RUBCN: variants seen among roughly 807,000 people sequenced by gnomAD.
The protein encoded by RUBCN is run domain Beclin-1-interacting and cysteine-rich domain-containing protein.
Under a neutral mutation model 113.2 loss-of-function variants are expected in RUBCN, and 74 were observed. The observed-to-expected ratio is 0.65, with a 90% CI of 0.54 to 0.79. The LOEUF is 0.79. Among genes scored for constraint, RUBCN ranks in the 30% least tolerant of loss-of-function variants. RUBCN has a pLI of 0.00. For synonymous variants in RUBCN, 480 were observed against 490.0 expected, an observed-to-expected ratio of 0.98 and a Z score of 0.27; for missense variants, 1,109 against 1,251.7, an observed-to-expected ratio of 0.89 and a Z score of 1.72.
rs772888751 is a variant in RUBCN at position 197,675,110 on chromosome 3, C to T, written c.2827G>A (p.Ala943Thr). The T allele has an allele frequency of 4.4e-5, 71 of 1,613,454 alleles. No homozygotes were observed. Among genetic ancestry groups the T allele is most frequent in the Non-Finnish European group, 5.9e-5 (70 of 1,179,988 alleles). Residue 943 changes from alanine (A) to threonine (T), a missense_variant, in exon 20 of 20, where the codon GCC (alanine) becomes ACC (threonine). Physicochemically the swap from Ala to Thr is moderately conservative, Grantham distance 58 (BLOSUM62 0). Transcript: ENST00000296343. This position sits in a 1 kb window ranked among gnomAD's most constrained non-coding sequence, Gnocchi z 4.4. ...ERLQARREAL[A>T]RQSLESYLSD... ...AGGTAAGACTCCAGGCTCTGCCTGG[C>T]CAGTGCCTCCCGCCGGGCCTGCAGC...
upstream of RUBCN, among the ~76,000 whole-genome samples, chr3:197,739,713 G>A (rs1376469303): frequency 6.6e-6 from 1 of 151,636 alleles, no homozygotes; most frequent in African/African-American, 2.4e-5. Context: ...GGGAGACTCC[G>A]TTTCAAAAAA....
chr3:197,717,745 C>T (rs1288716754), intron 2 of RUBCN, among the ~76,000 whole-genome samples: 1 of 152,114 alleles, frequency 6.6e-6, no homozygotes, highest in Non-Finnish European at 1.5e-5. Flanking sequence ...TTTAAGTTGA[C>T]CTAATCTTTT....
rs1214287159 is a variant in RUBCN, at chr3:197,669,608, T to G, written c.*5410A>C. ...CGTTGATTACTTGGTTAAGGTCGTG[T>G]TAGCTCTCTCTACTCTAAAGTTGCT... On this transcript the variant is annotated 3_prime_UTR_variant, in exon 20 of 20. Coordinates refer to ENST00000296343, the MANE Select transcript of RUBCN (RefSeq NM_014687.4). 6.6e-6 allele frequency among the ~76,000 whole-genome samples: 1 copy of G among 152,210 alleles called. No homozygotes were observed. The highest frequency in any genetic ancestry group is 2.4e-5 in the African/African-American group (1 of 41,452).
rs900961595 is a variant in RUBCN at position 197,669,436 on chromosome 3, G to C, written c.*5582C>G. ...TCAAGTGTTTTGTAGAAAGTTCCTC[G>C]AATTTTGCTCCTGTGTTTATGTTGT... On this transcript the variant is annotated 3_prime_UTR_variant, in exon 20 of 20. Coordinates refer to ENST00000296343, the MANE Select transcript of RUBCN (RefSeq NM_014687.4). Among the ~76,000 whole-genome samples, 2 of 152,114 alleles carry C rather than the reference G, an allele frequency of 1.3e-5. No individual in the cohort carries two copies. Among genetic ancestry groups the C allele is most frequent in the Non-Finnish European group, 2.9e-5 (2 of 68,020 alleles).
intron 11 of RUBCN, among the ~76,000 whole-genome samples, chr3:197,693,453 C>A (rs1185431339): frequency 1.3e-5 from 2 of 152,098 alleles, no homozygotes; most frequent in Non-Finnish European, 2.9e-5. Context: ...GAGTGGGAAC[C>A]CAGGAGAAAG....
chr3:197,687,291 A>G (rs1721955346), intron 11 of RUBCN, among the ~76,000 whole-genome samples: 1 of 152,268 alleles, frequency 6.6e-6, no homozygotes, highest in Non-Finnish European at 1.5e-5. Flanking sequence ...TAATTAAAAA[A>G]GGGATGGGGG....
chr3:197,701,591 A>G lies in RUBCN; in HGVS notation c.727+117T>C, dbSNP rs115669384. ...TATATAACTTGTAAAGATGTCCCTT[A>G]TTAAGAAAAACTACCAACCCAAGTC... On this transcript the variant is annotated intron_variant, in intron 6 of 19. Transcript: ENST00000296343. The G allele has an allele frequency of 3.4e-3, 2,922 of 869,814 alleles. 60 individuals carry two copies. The African/African-American group carries it at 0.044, about 13-fold the overall frequency. The allele number at this position is 869,814 out of a possible 1,614,324, so 53.9% of individuals were successfully genotyped here.
At chr3:197,696,563 G>A (rs1723023984) in intron 8 of RUBCN, among the ~76,000 whole-genome samples, 1 of 152,080 alleles carries the variant, frequency 6.6e-6, no homozygotes, top group African/African-American at 2.4e-5. Flanking sequence ...TTTGGGCTGG[G>A]AGGCAGAAAA....
At chr3:197,715,613 C>T (rs1725438891) in intron 2 of RUBCN, among the ~76,000 whole-genome samples, 1 of 152,122 alleles carries the variant, frequency 6.6e-6, no homozygotes, top group Non-Finnish European at 1.5e-5. Context: ...CCTCATTTCA[C>T]TGGTGAGGAA....
At chr3:197,679,030 C>G (rs1221015888) in intron 16 of RUBCN, among the ~76,000 whole-genome samples, 3 of 149,988 alleles carry the variant, frequency 2.0e-5, no homozygotes, top group Non-Finnish European at 3.0e-5. Context: ...CTGTCCTACG[C>G]TCTGACAACT....
At chr3:197,678,150 C>T (rs1414807163) in intron 16 of RUBCN, among the ~76,000 whole-genome samples, 1 of 131,950 alleles carries the variant, frequency 7.6e-6, no homozygotes, top group East Asian at 2.1e-4. Context: ...TCAGACTGTC[C>T]CACACTCTGA....
At chr3:197,701,662 C>T in intron 6 of RUBCN, 46 bp downstream of exon 6, 1 of 1,588,196 alleles carries the variant, frequency 6.3e-7, no homozygotes, top group Non-Finnish European at 8.6e-7. Context: ...TCTTACTTTC[C>T]AGGGCTGGGG....
At position 197,674,895 on chromosome 3, in the gene RUBCN, A is replaced by G; in HGVS notation, c.*123T>C. ...GACAAGTCAGTAAAAAAAAAAAAAA[A>G]GATGATGATAATTAAAAAAAAAAAA... On this transcript the variant is annotated 3_prime_UTR_variant, in exon 20 of 20. Coordinates refer to ENST00000296343, the MANE Select transcript of RUBCN (RefSeq NM_014687.4). 5.4e-6 allele frequency: 4 copies of G among 736,600 alleles called. No individual in the cohort carries two copies. The highest frequency in any genetic ancestry group is 3.0e-5 in the East Asian group (1 of 33,832). 45.6% of individuals were successfully genotyped at this position (736,600 alleles called of 1,614,324 possible).
intron 2 of RUBCN, among the ~76,000 whole-genome samples, chr3:197,711,389 C>A (rs1724949707): frequency 6.6e-6 from 1 of 152,166 alleles, no homozygotes; most frequent in Non-Finnish European, 1.5e-5. Context: ...AATGAAGAAG[C>A]TCTCTATGTA....
At chr3:197,676,566 G>A in intron 18 of RUBCN, 1 of 1,199,518 alleles carries the variant, frequency 8.3e-7, no homozygotes, top group African/African-American at 1.6e-5. Flanking sequence ...GCCCACCTCG[G>A]CCTCCCAAAT....
intron 16 of RUBCN, among the ~76,000 whole-genome samples, chr3:197,679,614 C>T (rs1720947494): frequency 1.4e-5 from 2 of 147,050 alleles, no homozygotes; most frequent in Non-Finnish European, 3.0e-5. Flanking sequence ...GCTCTGACAA[C>T]TGGCTTCAGA....
intron 2 of RUBCN, among the ~76,000 whole-genome samples, chr3:197,716,565 G>A (rs1211413802): frequency 6.6e-6 from 1 of 152,196 alleles, no homozygotes; most frequent in Non-Finnish European, 1.5e-5. Context: ...CTAAGATTCA[G>A]AAGGAAAAGC....
In RUBCN at chr3:197,683,893, T is replaced by C; in HGVS notation, c.1847+264A>G. Among the ~76,000 whole-genome samples the C allele has an allele frequency of 6.6e-6, 1 of 152,190 alleles. No individual in the cohort carries two copies. Among genetic ancestry groups the C allele is most frequent in the East Asian group, 1.9e-4 (1 of 5,194 alleles). On this transcript the variant is annotated intron_variant, in intron 12 of 19. Transcript: ENST00000296343. This position sits in a 1 kb window ranked among gnomAD's most constrained non-coding sequence, Gnocchi z 4.6. Reference sequence around the variant, plus strand: ...ATCATCACTGCTCTCTTTTGAGACCTTCTGGGGCCTCTGGTTATGATGAGA... The same window carrying C: ...ATCATCACTGCTCTCTTTTGAGACCCTCTGGGGCCTCTGGTTATGATGAGA...
chr3:197,687,503 G>A (rs942501737), intron 11 of RUBCN, among the ~76,000 whole-genome samples: 1 of 152,232 alleles, frequency 6.6e-6, no homozygotes, highest in African/African-American at 2.4e-5. Flanking sequence ...CTGGCATGAT[G>A]TGAGGTTTTG....
Sources: gnomAD v4.1 joint callset for allele counts (sites outside exome capture counted in the v4.1 genomes callset) on GRCh38, gnomAD v4.1.1 for gene constraint, Gnocchi (gnomAD v3.1) non-coding constraint, MANE v1.5 for transcripts, NCBI Gene and HGNC (gene_info 2026-07-23, HGNC 2026-07-21) for gene names.